Variants in MCTP1 observed in about 807,000 individuals in gnomAD.
MCTP1 encodes the protein multiple C2 and transmembrane domain-containing protein 1.
Under a neutral mutation model 120.6 loss-of-function variants are expected in MCTP1, and 69 were observed. The observed-to-expected ratio is 0.57, with a 90% confidence interval of 0.47 to 0.70. The LOEUF is 0.70. MCTP1 is among the 30% of genes least tolerant of loss of function. The probability of loss-of-function intolerance (pLI) is 0.00; values close to 1 mark genes in which losing one functional copy is unlikely to be tolerated. For missense variants in MCTP1, 1,203 were observed against 1,248.8 expected, an observed-to-expected ratio of 0.96 and a Z score of 0.55; for synonymous variants, 529 against 493.1, an observed-to-expected ratio of 1.07 and a Z score of -0.96.
intron 1 of MCTP1, among the ~76,000 whole-genome samples, chr5:95,063,621 G>T (rs971071722): frequency 6.6e-6 from 1 of 152,042 alleles, no homozygotes; most frequent in African/African-American, 2.4e-5. Flanking sequence ...ATTCAGACAG[G>T]GTCTTATTCT....
At chr5:94,871,133 G>A (rs1018643807) in intron 14 of MCTP1, among the ~76,000 whole-genome samples, 160 bp from the exon 15 acceptor site, 9 of 151,918 alleles carry the variant, frequency 5.9e-5, no homozygotes, top group African/African-American at 2.2e-4. Flanking sequence ...AGTCTGTCAG[G>A]AAAAATTAAC....
At chr5:95,084,536 GT>G (rs79057275) in intron 1 of MCTP1, among the ~76,000 whole-genome samples, 1,709 of 136,020 alleles carry the variant, frequency 0.013, 26 homozygotes, top group Middle Eastern at 0.023. Flanking sequence ...GTCTTTGGGT[GT>G]TTTTTTTTTT....
intron 1 of MCTP1, among the ~76,000 whole-genome samples, chr5:95,255,216 A>G (rs1361868727): frequency 6.6e-6 from 1 of 152,190 alleles, no homozygotes; most frequent in Non-Finnish European, 1.5e-5. Flanking sequence ...CTTTCTCTAT[A>G]TGCAAACTCC....
intron 1 of MCTP1, among the ~76,000 whole-genome samples, chr5:95,065,979 G>C (rs1750565052): frequency 6.6e-6 from 1 of 151,974 alleles, no homozygotes; most frequent in African/African-American, 2.4e-5. Context: ...GACCTCAAAA[G>C]CACAAGCAAC....
chr5:94,945,865 G>C (rs1399328451), intron 3 of MCTP1, among the ~76,000 whole-genome samples: 1 of 152,202 alleles, frequency 6.6e-6, no homozygotes, highest in Non-Finnish European at 1.5e-5. Flanking sequence ...AAGGGGGGAA[G>C]AGGAAGTGGA....
At chr5:94,727,204 C>T (rs955059870) in intron 19 of MCTP1, among the ~76,000 whole-genome samples, 6 of 152,208 alleles carry the variant, frequency 3.9e-5, no homozygotes, top group African/African-American at 1.4e-4. Context: ...AGGTGGTCAG[C>T]AGGACCAGGG....
At chr5:95,187,693 C>T (rs1261967531) in intron 1 of MCTP1, among the ~76,000 whole-genome samples, 1 of 152,162 alleles carries the variant, frequency 6.6e-6, no homozygotes, top group African/African-American at 2.4e-5. Context: ...AGCCACCGCG[C>T]CTGGCAATCC....
chr5:94,783,417 C>T (rs978015411), intron 18 of MCTP1, among the ~76,000 whole-genome samples: 1 of 152,046 alleles, frequency 6.6e-6, no homozygotes, highest in African/African-American at 2.4e-5. Context: ...TGTTACAAGA[C>T]TTCTAATTGT....
intron 1 of MCTP1, among the ~76,000 whole-genome samples, chr5:95,141,776 T>C (rs331556): frequency 0.29 from 43,461 of 151,988 alleles, 6,672 homozygotes; most frequent in East Asian, 0.58. Context: ...CTGGTTTTCA[T>C]ATAAAAACAT....
At chr5:95,134,992 CAAAAAAAAAAAAAAAAAAAAAAAAAA>C (rs70978170) in intron 1 of MCTP1, among the ~76,000 whole-genome samples, 1 of 35,310 alleles carries the variant, frequency 2.8e-5, no homozygotes, top group Non-Finnish European at 5.2e-5. Flanking sequence ...GCCTGATGGC[CAAAAAAAAAAAAAAAAAAAAAAAAAA>C]AAAAAAAAAA....
intron 1 of MCTP1, among the ~76,000 whole-genome samples, chr5:95,077,415 T>C (rs985080543): frequency 2.0e-5 from 3 of 152,176 alleles, no homozygotes; most frequent in Non-Finnish European, 4.4e-5. Context: ...TATATATGTA[T>C]ATATCTGCAC....
intron 19 of MCTP1, among the ~76,000 whole-genome samples, chr5:94,774,465 A>G (rs1326891579): frequency 1.3e-5 from 2 of 152,192 alleles, no homozygotes; most frequent in East Asian, 1.9e-4. Context: ...GGCAACTAGT[A>G]TCAGAAAGCC....
intron 2 of MCTP1, among the ~76,000 whole-genome samples, chr5:94,995,580 A>C (rs531264898): frequency 2.0e-5 from 3 of 152,304 alleles, no homozygotes; most frequent in Admixed American, 2.0e-4. Context: ...CAGAACAAAC[A>C]ATTGAGCAAG....
intron 19 of MCTP1, among the ~76,000 whole-genome samples, chr5:94,732,438 C>A (rs1763302544): frequency 6.6e-6 from 1 of 151,994 alleles, no homozygotes; most frequent in South Asian, 2.1e-4. Flanking sequence ...ATTGGAAACC[C>A]CTGATTCTAA....
At chr5:95,045,648 G>C (rs1171926862) in intron 1 of MCTP1, among the ~76,000 whole-genome samples, 1 of 152,120 alleles carries the variant, frequency 6.6e-6, no homozygotes, top group Non-Finnish European at 1.5e-5. Context: ...TGGCGTCAGT[G>C]GTTATGTGTG....
At chr5:95,211,935 G>A (rs1226057720) in intron 1 of MCTP1, among the ~76,000 whole-genome samples, 4 of 151,776 alleles carry the variant, frequency 2.6e-5, no homozygotes, top group African/African-American at 9.7e-5. Context: ...TTTGCTAGAG[G>A]TTAATATCAC....
chr5:95,011,871 C>T (rs1435864279), intron 2 of MCTP1, among the ~76,000 whole-genome samples: 1 of 152,054 alleles, frequency 6.6e-6, no homozygotes, highest in Non-Finnish European at 1.5e-5. Flanking sequence ...TAAGTTGGCT[C>T]CTATGTGATT....
chr5:95,248,487 G>T (rs770713922), intron 1 of MCTP1, among the ~76,000 whole-genome samples: 51 of 152,256 alleles, frequency 3.3e-4, no homozygotes, highest in Non-Finnish European at 6.9e-4. Flanking sequence ...TCTTTAAGGA[G>T]AACTACAAAC....
chr5:94,864,015 T>C (rs551084243), intron 17 of MCTP1, among the ~76,000 whole-genome samples: 11 of 151,932 alleles, frequency 7.2e-5, no homozygotes, highest in African/African-American at 2.4e-4. Context: ...AAAGGAAAAC[T>C]AGGCATTTCA....
Sources: allele counts gnomAD v4.1 joint callset (sites outside exome capture counted in the v4.1 genomes callset), GRCh38; gene constraint gnomAD v4.1.1; transcripts MANE v1.5; gene names NCBI Gene and HGNC (gene_info 2026-07-23, HGNC 2026-07-21).